Variants in FAM184A observed in about 807,000 individuals in gnomAD.
The protein encoded by FAM184A is protein FAM184A.
Under a neutral mutation model 143.8 loss-of-function variants are expected in FAM184A, and 99 were observed. The observed-to-expected ratio is 0.69, with a 90% confidence interval of 0.58 to 0.81. FAM184A has a LOEUF of 0.81. Ranked by LOEUF, FAM184A falls within the 40% of genes least tolerant of loss-of-function variation. The pLI is 0.00. For missense variants in FAM184A, 1,217 were observed against 1,310.5 expected (o/e 0.93, Z 1.10); for synonymous variants, 427 against 446.4 (o/e 0.96, Z 0.55).
At chr6:119,014,093 T>C (rs1419029276) in intron 5 of FAM184A, among the ~76,000 whole-genome samples, 3 of 152,272 alleles carry the variant, frequency 2.0e-5, no homozygotes, top group Non-Finnish European at 4.4e-5. Flanking sequence ...ACTAGTTGCA[T>C]GTGCTTGAGC....
At chr6:119,089,772 G>T (rs1210865412) in intron 1 of FAM184A, among the ~76,000 whole-genome samples, 2 of 152,234 alleles carry the variant, frequency 1.3e-5, no homozygotes, top group Non-Finnish European at 2.9e-5. Context: ...AATCTAGATG[G>T]CTGCATATTG....
intron 1 of FAM184A, among the ~76,000 whole-genome samples, chr6:119,121,604 A>G (rs1226522381): frequency 6.6e-6 from 1 of 152,252 alleles, no homozygotes; most frequent in Non-Finnish European, 1.5e-5. Context: ...TTATTTATAA[A>G]TATTTTAGCA....
intron 1 of FAM184A, among the ~76,000 whole-genome samples, chr6:119,147,909 T>A (rs752540539): frequency 2.6e-5 from 4 of 152,240 alleles, no homozygotes; most frequent in Non-Finnish European, 5.9e-5. Flanking sequence ...CTTCCCTTTT[T>A]TTCCACTCTA....
intron 1 of FAM184A, among the ~76,000 whole-genome samples, chr6:119,148,167 A>G (rs1453921598): frequency 6.6e-6 from 1 of 152,132 alleles, no homozygotes; most frequent in Admixed American, 6.6e-5. Flanking sequence ...TCTGCTGGGA[A>G]GAAGATCGTG....
chr6:118,988,447 G>A (rs2114603557), intron 9 of FAM184A, among the ~76,000 whole-genome samples: 2 of 152,280 alleles, frequency 1.3e-5, no homozygotes, highest in African/African-American at 4.8e-5. Context: ...GGATATTACT[G>A]TTCTAAATTC....
chr6:118,961,683 G>A, intron 17 of FAM184A, 78 bp downstream of exon 17: 1 of 1,158,472 alleles, frequency 8.6e-7, no homozygotes, highest in Non-Finnish European at 1.3e-6. Context: ...TCTTAAAGTA[G>A]TGATTTCTGC....
At chr6:119,085,192 C>T (rs1582602244) in intron 1 of FAM184A, among the ~76,000 whole-genome samples, 1 of 152,334 alleles carries the variant, frequency 6.6e-6, no homozygotes, top group East Asian at 1.9e-4. Context: ...GTTTTATGCT[C>T]TGTTTCCCTT....
At chr6:119,034,262 C>T (rs531066660) in intron 1 of FAM184A, among the ~76,000 whole-genome samples, 1 of 151,486 alleles carries the variant, frequency 6.6e-6, no homozygotes, top group Non-Finnish European at 1.5e-5. Flanking sequence ...TCTTTCACCA[C>T]CAAGCATTTG....
At chr6:119,089,540 TA>T (rs1280938070) in intron 1 of FAM184A, among the ~76,000 whole-genome samples, 1 of 152,158 alleles carries the variant, frequency 6.6e-6, no homozygotes, top group Non-Finnish European at 1.5e-5. Flanking sequence ...TGGTCTCGAG[TA>T]ATCCTCTTGC....
At chr6:118,975,811 G>C in intron 12 of FAM184A, 106 bp downstream of exon 12, 25 of 1,036,458 alleles carry the variant, frequency 2.4e-5, no homozygotes, top group Non-Finnish European at 3.2e-5. Flanking sequence ...AATAGAATGT[G>C]ATAACTAGTG....
intron 1 of FAM184A, among the ~76,000 whole-genome samples, chr6:119,028,054 T>C (rs573847568): frequency 7.9e-5 from 12 of 152,196 alleles, no homozygotes; most frequent in Non-Finnish European, 1.6e-4. Context: ...TGATTTATGA[T>C]TTTGCCTGTA....
At chr6:119,023,283 T>C (rs1241977809) in intron 2 of FAM184A, among the ~76,000 whole-genome samples, 2 of 152,220 alleles carry the variant, frequency 1.3e-5, no homozygotes, top group Non-Finnish European at 2.9e-5. Context: ...CCACACTTTC[T>C]AATCCATTCT....
intron 11 of FAM184A, among the ~76,000 whole-genome samples, chr6:118,978,330 C>T (rs1018429419): frequency 6.6e-6 from 1 of 152,212 alleles, no homozygotes; most frequent in Non-Finnish European, 1.5e-5. Flanking sequence ...ATAGTTCCAA[C>T]ACTGGGACTG....
At chr6:119,014,411 T>C (rs545944258) in intron 5 of FAM184A, among the ~76,000 whole-genome samples, 4 of 152,388 alleles carry the variant, frequency 2.6e-5, no homozygotes, top group African/African-American at 9.6e-5. Context: ...GTCTGTCAGA[T>C]ACTTTGCTTT....
intron 1 of FAM184A, among the ~76,000 whole-genome samples, chr6:119,084,120 T>C (rs1204775180): frequency 6.6e-6 from 1 of 150,930 alleles, no homozygotes; most frequent in African/African-American, 2.4e-5. Flanking sequence ...AAGGGGGAGG[T>C]CCCACTTTAA....
At chr6:118,974,690 A>G in intron 13 of FAM184A, 116 bp from the exon 14 acceptor site, 1 of 847,142 alleles carries the variant, frequency 1.2e-6, no homozygotes, top group Non-Finnish European at 1.8e-6. Context: ...AAATTTATGT[A>G]AACAGCCTAA....
At chr6:119,105,675 G>T (rs532543962) in intron 1 of FAM184A, among the ~76,000 whole-genome samples, 7 of 152,214 alleles carry the variant, frequency 4.6e-5, no homozygotes, top group African/African-American at 1.7e-4. Flanking sequence ...TCTAAAAAAA[G>T]TTTATTTAAA....
chr6:118,982,552 T>C lies in FAM184A; in HGVS notation c.2089-2202A>G, dbSNP rs539680913. ...CTGCCCTGGTACAGATCTGTGTCCA[T>C]CCAAAAAGAATGGACATGTTTTTCT... On this transcript the variant is annotated intron_variant, in intron 9 of 17. Transcript: ENST00000338891. Among the ~76,000 whole-genome samples the C allele has an allele frequency of 3.9e-5, 6 of 152,328 alleles. No individual in the cohort carries two copies. In the South Asian group the frequency reaches 1.2e-3, roughly 32 times the overall value.
At chr6:119,007,755 A>G (rs1389024623) in intron 6 of FAM184A, among the ~76,000 whole-genome samples, 1 of 152,184 alleles carries the variant, frequency 6.6e-6, no homozygotes, top group African/African-American at 2.4e-5. Flanking sequence ...AGCCTGGCCA[A>G]CATGGCGAAA....
Sources: allele counts gnomAD v4.1 joint callset (sites outside exome capture counted in the v4.1 genomes callset), GRCh38; gene constraint gnomAD v4.1.1; transcripts MANE v1.5; gene names NCBI Gene and HGNC (gene_info 2026-07-23, HGNC 2026-07-21).